The following CNTN4 variants were observed in gnomAD, a reference collection of about 807,000 sequenced individuals.
The protein encoded by CNTN4 is contactin 4.
CNTN4 carries 77 observed loss-of-function variants against 122.5 expected under a neutral mutation model. That is an observed-to-expected ratio of 0.63 (90% confidence interval 0.52 to 0.76). The LOEUF is 0.76. Among genes scored for constraint, CNTN4 ranks in the 30% least tolerant of loss-of-function variants. The probability of loss-of-function intolerance (pLI) is 0.00; values close to 1 mark genes in which losing one functional copy is unlikely to be tolerated. For missense variants in CNTN4, 1,256 were observed against 1,259.1 expected, an observed-to-expected ratio of 1.00 and a Z score of 0.04; for synonymous variants, 512 against 447.0, an observed-to-expected ratio of 1.15 and a Z score of -1.83.
intron 3 of CNTN4, among the ~76,000 whole-genome samples, chr3:2,553,067 A>G (rs573114986): frequency 3.7e-4 from 57 of 152,304 alleles, no homozygotes; most frequent in African/African-American, 1.1e-3. Context: ...GTGATTCCAT[A>G]CAGCAAATTT....
intron 2 of CNTN4, among the ~76,000 whole-genome samples, chr3:2,207,578 T>C (rs997414357): frequency 5.9e-5 from 9 of 152,052 alleles, no homozygotes; most frequent in Non-Finnish European, 1.0e-4. Context: ...AGGAACGAAG[T>C]GTCTAAAATT....
intron 14 of CNTN4, among the ~76,000 whole-genome samples, chr3:3,009,159 G>A (rs2125477971): frequency 6.6e-6 from 1 of 152,272 alleles, no homozygotes; most frequent in East Asian, 1.9e-4. Context: ...GAGTTGACTA[G>A]GATTGATTGC....
At chr3:2,930,655 C>T (rs981086368) in intron 13 of CNTN4, among the ~76,000 whole-genome samples, 14 of 151,986 alleles carry the variant, frequency 9.2e-5, no homozygotes, top group African/African-American at 3.4e-4. Flanking sequence ...TGAATTTTTC[C>T]AAAAAGAATC....
chr3:3,021,567 A>G (rs1317685275), intron 14 of CNTN4, among the ~76,000 whole-genome samples: 2 of 152,200 alleles, frequency 1.3e-5, no homozygotes, highest in Non-Finnish European at 2.9e-5. Context: ...CATTAGAGTC[A>G]AGAAATTTGT....
chr3:2,355,971 C>T (rs926036374), intron 3 of CNTN4, among the ~76,000 whole-genome samples: 2 of 152,182 alleles, frequency 1.3e-5, no homozygotes, highest in Admixed American at 1.3e-4. Flanking sequence ...TCCTTCCTGC[C>T]TTCCAGACCT....
At chr3:2,731,872 C>G (rs1210402575) in intron 4 of CNTN4, among the ~76,000 whole-genome samples, 1 of 152,230 alleles carries the variant, frequency 6.6e-6, no homozygotes, top group Non-Finnish European at 1.5e-5. Flanking sequence ...ATTGTGATCT[C>G]TAAGGATGCC....
At chr3:2,763,525 G>A (rs983720203) in intron 6 of CNTN4, among the ~76,000 whole-genome samples, 3 of 152,092 alleles carry the variant, frequency 2.0e-5, no homozygotes, top group Non-Finnish European at 4.4e-5. Context: ...AGTTGCAATT[G>A]CTTTTGTTGT....
At chr3:3,003,660 A>G (rs1163389874) in intron 14 of CNTN4, among the ~76,000 whole-genome samples, 4 of 142,328 alleles carry the variant, frequency 2.8e-5, no homozygotes, top group African/African-American at 1.1e-4. Context: ...ATATTCTGGA[A>G]TTAGATAGTA....
intron 2 of CNTN4, among the ~76,000 whole-genome samples, chr3:2,138,004 T>G (rs2034789959): frequency 6.6e-6 from 1 of 151,872 alleles, no homozygotes; most frequent in Admixed American, 6.6e-5. Context: ...GCTGGGAAAG[T>G]AAGTAGTCGG....
At chr3:2,187,533 C>T (rs1358934193) in intron 2 of CNTN4, among the ~76,000 whole-genome samples, 3 of 152,130 alleles carry the variant, frequency 2.0e-5, no homozygotes, top group Admixed American at 6.6e-5. Context: ...ATTCTTATTC[C>T]TAGGTTCACG....
At chr3:2,616,963 C>G (rs1176220988) in intron 4 of CNTN4, among the ~76,000 whole-genome samples, 5 of 152,114 alleles carry the variant, frequency 3.3e-5, no homozygotes, top group Non-Finnish European at 5.9e-5. Flanking sequence ...ACTGAACCCC[C>G]TCCTTACACC....
At chr3:2,912,594 A>C (rs1010098673) in intron 12 of CNTN4, among the ~76,000 whole-genome samples, 1 of 152,270 alleles carries the variant, frequency 6.6e-6, no homozygotes, top group Admixed American at 6.5e-5. Flanking sequence ...AGAATGTTTT[A>C]AAAAGTATAA....
chr3:2,231,725 T>TA (rs2039495349), intron 2 of CNTN4, among the ~76,000 whole-genome samples: 1 of 152,200 alleles, frequency 6.6e-6, no homozygotes, highest in South Asian at 2.1e-4. Context: ...GTCATTTATC[T>TA]AAAACGAATG....
intron 6 of CNTN4, among the ~76,000 whole-genome samples, chr3:2,800,016 T>C (rs1576840101): frequency 6.6e-6 from 1 of 152,078 alleles, no homozygotes; most frequent in East Asian, 1.9e-4. Flanking sequence ...ACCAGTTCCA[T>C]GCTGTTTTGG....
chr3:2,476,690 A>G (rs983979112), intron 3 of CNTN4, among the ~76,000 whole-genome samples: 2 of 152,116 alleles, frequency 1.3e-5, no homozygotes, highest in African/African-American at 4.8e-5. Context: ...GTCCTGAGGG[A>G]TCTCCTTGGG....
intron 3 of CNTN4, among the ~76,000 whole-genome samples, chr3:2,462,919 T>G (rs1042111604): frequency 1.3e-5 from 2 of 152,180 alleles, no homozygotes; most frequent in African/African-American, 2.4e-5. Context: ...TAATGGGATA[T>G]TTTACATTTT....
intron 13 of CNTN4, among the ~76,000 whole-genome samples, chr3:2,939,043 T>C (rs973286785): frequency 1.3e-5 from 2 of 152,206 alleles, no homozygotes; most frequent in African/African-American, 4.8e-5. Context: ...TAAAATCTGC[T>C]AGACTTCTTA....
In CNTN4 at chr3:2,906,184, C is replaced by T. The variant is rs561450160; in HGVS notation, c.1207+3179C>T. Among the ~76,000 whole-genome samples, 315 of 151,540 alleles carry T rather than the reference C, an allele frequency of 2.1e-3. 2 individuals carry two copies. The highest frequency in any genetic ancestry group is 7.4e-3 in the African/African-American group (305 of 41,232). On this transcript the variant is annotated intron_variant, in intron 12 of 24. Coordinates refer to ENST00000418658, the MANE Select transcript of CNTN4 (RefSeq NM_175607.3). ...TGCTGGTTGTCAGGGTCGGGGGAAT[C>T]GGCGGGGGAGGGTTGGGAAGATGTC... is the stretch of plus-strand genomic sequence containing the variant.
At chr3:2,509,176 G>A (rs1199894819) in intron 3 of CNTN4, among the ~76,000 whole-genome samples, 16 of 152,152 alleles carry the variant, frequency 1.1e-4, no homozygotes, top group Admixed American at 1.0e-3. Flanking sequence ...ATTTGCTTCA[G>A]CAATATGTTT....
Sources: gnomAD v4.1 joint callset for allele counts (sites outside exome capture counted in the v4.1 genomes callset) on GRCh38, gnomAD v4.1.1 for gene constraint, MANE v1.5 for transcripts, NCBI Gene and HGNC (gene_info 2026-07-23, HGNC 2026-07-21) for gene names.